The following EPB41 variants were observed in gnomAD, a reference collection of about 807,000 sequenced individuals.
EPB41 encodes protein 4.1.
A neutral mutation model predicts 108.0 loss-of-function variants in EPB41; 65 were observed. The ratio of observed to expected loss-of-function variants is 0.60; its 90% confidence interval spans 0.49 to 0.74. The LOEUF is 0.74. EPB41 is among the 30% of genes least tolerant of loss of function. The probability of loss-of-function intolerance (pLI) is 0.00; values close to 1 mark genes in which losing one functional copy is unlikely to be tolerated. For synonymous variants in EPB41, 336 were observed against 358.9 expected, an observed-to-expected ratio of 0.94 and a Z score of 0.72; for missense variants, 875 against 1,037.0, an observed-to-expected ratio of 0.84 and a Z score of 2.15.
At chr1:28,906,408 C>G (rs2091831753) in intron 1 of EPB41, among the ~76,000 whole-genome samples, 1 of 152,196 alleles carries the variant, frequency 6.6e-6, no homozygotes. Context: ...TCTTGGAAAA[C>G]CCTCTACGCC....
intron 1 of EPB41, among the ~76,000 whole-genome samples, chr1:28,940,525 G>A (rs1349416670): frequency 4.6e-5 from 7 of 152,074 alleles, no homozygotes; most frequent in Non-Finnish European, 7.4e-5. Context: ...GGTGGCGGGC[G>A]CCTGTAATCC....
intron 16 of EPB41, among the ~76,000 whole-genome samples, chr1:29,067,401 C>G (rs1332260435): frequency 6.8e-6 from 1 of 146,502 alleles, no homozygotes; most frequent in Admixed American, 7.2e-5. Context: ...GAGGCTGAGG[C>G]AGGAGAATGG....
chr1:28,892,093 CAAAAAAAAAAAA>C (rs748788169), intron 1 of EPB41, among the ~76,000 whole-genome samples: 2 of 69,810 alleles, frequency 2.9e-5, no homozygotes, highest in African/African-American at 1.2e-4. Flanking sequence ...GACTGCATCT[CAAAAAAAAAAAA>C]AAAAAAAAAA....
chr1:28,942,720 C>G (rs1244927653), intron 1 of EPB41, among the ~76,000 whole-genome samples: 1 of 152,152 alleles, frequency 6.6e-6, no homozygotes, highest in Non-Finnish European at 1.5e-5. Flanking sequence ...AGCTCCTTTA[C>G]CCTCCCTGGA....
intron 1 of EPB41, among the ~76,000 whole-genome samples, chr1:28,894,548 C>G (rs2147848327): frequency 6.6e-6 from 1 of 152,242 alleles, no homozygotes; most frequent in Middle Eastern, 3.4e-3. Flanking sequence ...GGCCTGGCAA[C>G]TGGACTTCCT....
chr1:28,969,888 G>A (rs1193815680), intron 1 of EPB41, among the ~76,000 whole-genome samples: 3 of 152,072 alleles, frequency 2.0e-5, no homozygotes, highest in Admixed American at 6.6e-5. Context: ...GCGACAGAGC[G>A]AGACTCTGTC....
At chr1:29,098,191 C>A (rs112473483) in intron 17 of EPB41, among the ~76,000 whole-genome samples, 1 of 152,014 alleles carries the variant, frequency 6.6e-6, no homozygotes, top group Non-Finnish European at 1.5e-5. Context: ...GCCCAGGAAA[C>A]GCCATCTGAA....
chr1:28,948,336 C>T (rs1346472629), intron 1 of EPB41, among the ~76,000 whole-genome samples: 1 of 151,034 alleles, frequency 6.6e-6, no homozygotes, highest in African/African-American at 2.4e-5. Context: ...CCCGTCTCTA[C>T]TAAAAATACA....
At position 28,887,599 on chromosome 1, in the gene EPB41, A is replaced by T. The variant is rs907895018; in HGVS notation, c.-8+389A>T. On this transcript the variant is annotated intron_variant, in intron 1 of 16. Coordinates refer to the EPB41 transcript ENST00000347529. This position sits in a 1 kb window ranked among gnomAD's most constrained non-coding sequence, Gnocchi z 4.9. Reference sequence around the variant, plus strand: ...CTAGCCCCGCCTTGCCCGGCCCCGCATGCTCCTGCCGGGCCCGCAGCAGCG... The same window carrying T: ...CTAGCCCCGCCTTGCCCGGCCCCGCTTGCTCCTGCCGGGCCCGCAGCAGCG... The T allele has an allele frequency of 2.0e-6, 2 of 984,886 alleles. No homozygotes were observed. The highest frequency in any genetic ancestry group is 2.4e-6 in the Non-Finnish European group (2 of 829,766). 61.0% of individuals were successfully genotyped at this position (984,886 alleles called of 1,614,324 possible).
chr1:29,061,848 G>A (rs1024383011), intron 15 of EPB41, among the ~76,000 whole-genome samples: 3 of 152,098 alleles, frequency 2.0e-5, no homozygotes, highest in African/African-American at 7.2e-5. Context: ...CCAAAGTACC[G>A]GGGTTACAGG....
chr1:29,018,338 C>T lies in EPB41; in HGVS notation c.1020C>T (p.Tyr340=), dbSNP rs1335862168. ...SYTIQSELGD[Y]DPELHGVDYV... The stretch of plus-strand genomic sequence containing the variant: ...CCATCCAGTCTGAACTGGGAGACTA[C>T]GACCCAGAACTCCATGGCGTGGATT... Residue 340 remains tyrosine, a synonymous_variant, in exon 7 of 21, where the codon TAC becomes TAT. Transcript: ENST00000343067. This position sits in a 1 kb window ranked among gnomAD's most constrained non-coding sequence, Gnocchi z 4.4. 23 of 1,614,008 alleles carry T rather than the reference C, an allele frequency of 1.4e-5. No individual in the cohort carries two copies. Among genetic ancestry groups the T allele is most frequent in the Middle Eastern group, 1.6e-4 (1 of 6,084 alleles).
chr1:29,091,719 C>G (rs1199839234), intron 16 of EPB41, among the ~76,000 whole-genome samples: 1 of 152,188 alleles, frequency 6.6e-6, no homozygotes, highest in Non-Finnish European at 1.5e-5. Context: ...TGCTGTATCT[C>G]AGATACATTT....
intron 16 of EPB41, chr1:29,072,850 C>T (rs757301640): frequency 1.3e-5 from 2 of 152,182 alleles, no homozygotes; most frequent in Admixed American, 1.3e-4. Flanking sequence ...GTGGCTAACA[C>T]CTGTAATCCC....
chr1:28,988,238 C>A (rs538678521), intron 2 of EPB41, among the ~76,000 whole-genome samples: 1 of 152,238 alleles, frequency 6.6e-6, no homozygotes, highest in Admixed American at 6.5e-5. Flanking sequence ...CCAGCCTAGG[C>A]AACAAGGATG....
At chr1:29,001,067 G>T (rs1338612074) in intron 4 of EPB41, among the ~76,000 whole-genome samples, 1 of 152,120 alleles carries the variant, frequency 6.6e-6, no homozygotes, top group Admixed American at 6.5e-5. Context: ...GCTGGGTGTG[G>T]TGGCTCATGC....
chr1:29,077,328 C>T (rs1046270452), intron 16 of EPB41, among the ~76,000 whole-genome samples: 1 of 151,860 alleles, frequency 6.6e-6, no homozygotes, highest in Non-Finnish European at 1.5e-5. Context: ...CCCAGCTACT[C>T]GGGAGGCTGA....
chr1:28,961,529 A>G (rs1040959072), intron 1 of EPB41, among the ~76,000 whole-genome samples: 6 of 152,210 alleles, frequency 3.9e-5, no homozygotes, highest in African/African-American at 1.4e-4. Context: ...ACTGTAGGAC[A>G]TTGAATAGGT....
chr1:28,976,396 C>T (rs894754395), intron 1 of EPB41, among the ~76,000 whole-genome samples: 2 of 152,010 alleles, frequency 1.3e-5, no homozygotes, highest in African/African-American at 2.4e-5. Context: ...ACTTTGTCAC[C>T]CATGCTGGAG....
chr1:29,028,599 G>A (rs1166037614), intron 7 of EPB41, among the ~76,000 whole-genome samples: 1 of 152,180 alleles, frequency 6.6e-6, no homozygotes, highest in Admixed American at 6.5e-5. Context: ...TCCAGCCCAA[G>A]TATTGTGACT....
Sources: gnomAD v4.1 joint callset for allele counts (sites outside exome capture counted in the v4.1 genomes callset) on GRCh38, gnomAD v4.1.1 for gene constraint, Gnocchi (gnomAD v3.1) non-coding constraint, MANE v1.5 for transcripts, NCBI Gene and HGNC (gene_info 2026-07-23, HGNC 2026-07-21) for gene names.